Variants in RPS6KA1 observed in about 807,000 individuals in gnomAD.
RPS6KA1 encodes ribosomal protein S6 kinase A1, also known as ribosomal protein S6 kinase alpha-1.
A neutral mutation model predicts 91.3 loss-of-function variants in RPS6KA1; 48 were observed. The ratio of observed to expected loss-of-function variants is 0.53; its 90% CI spans 0.42 to 0.67. The LOEUF is 0.67. Among genes scored for constraint, RPS6KA1 ranks in the 30% least tolerant of loss-of-function variants. The pLI, the probability that RPS6KA1 is intolerant of heterozygous loss-of-function variation, is 0.00. For missense variants in RPS6KA1, 719 were observed against 960.5 expected (o/e 0.75, Z 3.32); for synonymous variants, 359 against 384.7 (o/e 0.93, Z 0.78).
At chr1:26,541,009 C>G (rs973562241) in intron 2 of RPS6KA1, among the ~76,000 whole-genome samples, 2 of 152,022 alleles carry the variant, frequency 1.3e-5, no homozygotes, top group Non-Finnish European at 2.9e-5. Flanking sequence ...AGGCTGGTCT[C>G]GAACTCCCGA....
Position 26,561,376 on chromosome 1 carries a change from G to A in RPS6KA1, c.1432-129G>A. 1 of 1,220,612 alleles carries A rather than the reference G, an allele frequency of 8.2e-7. No homozygotes were observed. 75.6% of individuals were successfully genotyped at this position (1,220,612 alleles called of 1,614,324 possible). ...CAGCATCCTCCTTTTGGGGAAGGCAGGACCACTGAAGAGCAAGCAGAACAC... is the reference window on the plus strand; with the variant it reads ...CAGCATCCTCCTTTTGGGGAAGGCAAGACCACTGAAGAGCAAGCAGAACAC... On this transcript the variant is annotated intron_variant, in intron 16 of 21. Coordinates refer to ENST00000374168, the MANE Select transcript of RPS6KA1 (RefSeq NM_002953.4). The surrounding 1 kb of genome is among the most constrained non-coding windows in gnomAD (Gnocchi z 5.7).
chr1:26,565,972 CTACTG>C (rs1232615975), intron 17 of RPS6KA1, among the ~76,000 whole-genome samples: 1 of 152,134 alleles, frequency 6.6e-6, no homozygotes, highest in Admixed American at 6.6e-5. Flanking sequence ...GTGTACAACT[CTACTG>C]TATGTATAAT....
At position 26,559,953 on chromosome 1, in the gene RPS6KA1, G is replaced by T. The variant is rs76954144; in HGVS notation, c.1216-773G>T. On this transcript the variant is annotated intron_variant, in intron 14 of 21. Transcript: ENST00000374168. ...CTAAAAATACAAAAATCAGCTGGGCGTGTTGGCGCGTGCCTATAGTCCCAG... is the reference window on the plus strand; with the variant it reads ...CTAAAAATACAAAAATCAGCTGGGCTTGTTGGCGCGTGCCTATAGTCCCAG... 4.3e-4 allele frequency among the ~76,000 whole-genome samples: 66 copies of T among 152,274 alleles called. No homozygotes were observed. In the East Asian group the frequency reaches 0.011, roughly 26 times the overall value.
chr1:26,554,149 TGTG>T lies in RPS6KA1; in HGVS notation c.576-62_576-60del. On this transcript the variant is annotated intron_variant, in intron 7 of 21. Coordinates refer to ENST00000374168, the MANE Select transcript of RPS6KA1 (RefSeq NM_002953.4). This position sits in a 1 kb window ranked among gnomAD's most constrained non-coding sequence, Gnocchi z 4.6. ...GGGCTGAACCCAACTCCCACAGCCC[TGTG>T]GTAACACCATCACCCACACGGCCAC... 8 of 1,518,846 alleles carry T rather than the reference TGTG, an allele frequency of 5.3e-6. No homozygotes were observed. Among genetic ancestry groups the T allele is most frequent in the Non-Finnish European group, 7.1e-6 (8 of 1,121,332 alleles). 94.1% of individuals were successfully genotyped at this position (1,518,846 alleles called of 1,614,324 possible). A position where few individuals can be genotyped will look rare whatever the true frequency, so the allele number is the denominator to read the frequency against.
intron 1 of RPS6KA1, chr1:26,530,682 C>T: frequency 8.3e-7 from 1 of 1,201,156 alleles, no homozygotes; most frequent in Non-Finnish European, 1.1e-6. Flanking sequence ...AGGGCTGGGC[C>T]CTTGGGGAGT....
intron 1 of RPS6KA1, chr1:26,530,657 C>A: frequency 2.1e-6 from 2 of 949,078 alleles, no homozygotes; most frequent in South Asian, 1.6e-5. Context: ...CCTTCTTATG[C>A]CCCTTCCGGT....
chr1:26,553,245 T>G, intron 6 of RPS6KA1, 146 bp from the exon 7 acceptor site: 1 of 569,678 alleles, frequency 1.8e-6, no homozygotes, highest in Non-Finnish European at 3.2e-6. Context: ...TTCAAATCCT[T>G]TGTATGATGA....
In RPS6KA1 at chr1:26,529,797, C is replaced by T; in HGVS notation, c.-124C>T. 1.5e-6 allele frequency: 1 copy of T among 658,378 alleles called. No homozygotes were observed. Among genetic ancestry groups the T allele is most frequent in the Non-Finnish European group, 2.0e-6 (1 of 488,578 alleles). The allele number at this position is 658,378 out of a possible 1,614,324, so 40.8% of individuals were successfully genotyped here. Reference sequence around the variant, plus strand: ...GCCGCGGCGGCGGCGGCGGACGGCCCAGCCGGAGCGCGAGGGGCTCGGGGG... The same window carrying T: ...GCCGCGGCGGCGGCGGCGGACGGCCTAGCCGGAGCGCGAGGGGCTCGGGGG... On this transcript the variant is annotated 5_prime_UTR_variant, in exon 1 of 22. Coordinates refer to ENST00000374168, the MANE Select transcript of RPS6KA1 (RefSeq NM_002953.4). The surrounding 1 kb of genome is among the most constrained non-coding windows in gnomAD (Gnocchi z 4.2).
Position 26,553,422 on chromosome 1 carries a change from A to C in RPS6KA1, c.500A>C (p.Tyr167Ser). 1 of 1,612,834 alleles carries C rather than the reference A, an allele frequency of 6.2e-7. No individual in the cohort carries two copies. Among genetic ancestry groups the C allele is most frequent in the Non-Finnish European group, 8.5e-7 (1 of 1,179,222 alleles). Residue 167 changes from tyrosine (Y) to serine (S), a missense_variant, in exon 7 of 22, where the codon TAC (tyrosine) becomes TCC (serine). By Grantham distance (144) the Tyr-to-Ser change is moderately radical. Around this residue, in one of 5 missense-constraint regions of RPS6KA1, gnomAD observed 159 missense variants for 264.5 expected, o/e 0.60. Coordinates refer to ENST00000374168, the MANE Select transcript of RPS6KA1 (RefSeq NM_002953.4). The part of the protein sequence containing the change: ...VMFTEEDVKF[Y>S]LAELALGLDH... Reference sequence around the variant, plus strand: ...TTCACGGAGGAGGATGTGAAGTTTTACCTGGCTGAGCTGGCTCTGGGCCTG... The same window carrying C: ...TTCACGGAGGAGGATGTGAAGTTTTCCCTGGCTGAGCTGGCTCTGGGCCTG...
rs374272040 is a variant in RPS6KA1 at position 26,558,760 on chromosome 1, G to A, written c.1085-47G>A. On this transcript the variant is annotated intron_variant, in intron 13 of 21. Coordinates refer to ENST00000374168, the MANE Select transcript of RPS6KA1 (RefSeq NM_002953.4). The surrounding 1 kb of genome is among the most constrained non-coding windows in gnomAD (Gnocchi z 4.0). ...CCCTTTGCTGGGCTGCCTCAGGGTC[G>A]AGGGGACCTCCTCAGGTACCCTCAC... is the stretch of plus-strand genomic sequence containing the variant. The A allele has an allele frequency of 2.0e-5, 32 of 1,571,076 alleles. No individual in the cohort carries two copies. The highest frequency in any genetic ancestry group is 5.2e-5 in the Admixed American group (3 of 57,372).
Position 26,555,903 on chromosome 1 carries a change from A to G in RPS6KA1, c.916+278A>G, listed in dbSNP as rs960170861. Among the ~76,000 whole-genome samples the G allele has an allele frequency of 1.3e-5, 2 of 152,180 alleles. No homozygotes were observed. The highest frequency in any genetic ancestry group is 2.9e-5 in the Non-Finnish European group (2 of 68,024). On this transcript the variant is annotated intron_variant, in intron 11 of 21. Transcript: ENST00000374168. The surrounding 1 kb of genome is among the most constrained non-coding windows in gnomAD (Gnocchi z 4.3). ...GCTTCTCCGCCAAGGCTGCTGGCACAAGAGAAATAGCATGAGCTCAGGAGT... is the reference window on the plus strand; with the variant it reads ...GCTTCTCCGCCAAGGCTGCTGGCACGAGAGAAATAGCATGAGCTCAGGAGT...
Position 26,571,355 on chromosome 1 carries a change from A to G in RPS6KA1, c.1591-94A>G. Reference sequence around the variant, plus strand: ...CAAGTCCATGCACCCGTCCCTCTGCACCCTGTCTGTGTAGCTTTCTAATCT... The same window carrying G: ...CAAGTCCATGCACCCGTCCCTCTGCGCCCTGTCTGTGTAGCTTTCTAATCT... On this transcript the variant is annotated intron_variant, in intron 17 of 21. Transcript: ENST00000374168. The surrounding 1 kb of genome is among the most constrained non-coding windows in gnomAD (Gnocchi z 5.1). The G allele has an allele frequency of 8.0e-7, 1 of 1,245,602 alleles. No homozygotes were observed. The highest frequency in any genetic ancestry group is 1.3e-5 in the South Asian group (1 of 75,640). The allele number at this position is 1,245,602 out of a possible 1,614,324, so 77.2% of individuals were successfully genotyped here.
At chr1:26,541,955 C>G (rs536083621) in intron 2 of RPS6KA1, among the ~76,000 whole-genome samples, 54 of 152,296 alleles carry the variant, frequency 3.5e-4, no homozygotes, top group Middle Eastern at 3.4e-3. Context: ...AGTCCCTATG[C>G]GGGGGATGGG....
In RPS6KA1 at chr1:26,547,172, C is replaced by T; in HGVS notation, c.226-17C>T. ...CCTCTCCCATCTTCTGCCCTGCTTC[C>T]TGCTCTGCCTTCTCAGGTCTTCCTG... On this transcript the variant is annotated splice_polypyrimidine_tract_variant and intron_variant, in intron 3 of 21. Coordinates refer to ENST00000374168, the MANE Select transcript of RPS6KA1 (RefSeq NM_002953.4). This position sits in a 1 kb window ranked among gnomAD's most constrained non-coding sequence, Gnocchi z 4.1. 1 of 1,611,842 alleles carries T rather than the reference C, an allele frequency of 6.2e-7. No individual in the cohort carries two copies. The highest frequency in any genetic ancestry group is 2.2e-5 in the East Asian group (1 of 44,872).
intron 20 of RPS6KA1, among the ~76,000 whole-genome samples, chr1:26,572,826 A>G (rs2076261259): frequency 6.6e-6 from 1 of 152,160 alleles, no homozygotes; most frequent in Non-Finnish European, 1.5e-5. Flanking sequence ...CCTGTGAGGC[A>G]GGGAGTGGTT....
chr1:26,543,248 G>A, intron 2 of RPS6KA1: 2 of 1,487,648 alleles, frequency 1.3e-6, no homozygotes, highest in Non-Finnish European at 1.8e-6. Context: ...CCTGCCTCCA[G>A]CGGTGTCTGT....
At position 26,547,103 on chromosome 1, in the gene RPS6KA1, T is replaced by A. The variant is rs17847445; in HGVS notation, c.226-86T>A. The A allele has an allele frequency of 5.9e-4, 927 of 1,558,520 alleles. 11 individuals carry two copies. In the East Asian group the frequency reaches 0.019, roughly 32 times the overall value. Reference sequence around the variant, plus strand: ...TTGGTACCCAGGGAGAGCAAAAAGGTCAGCTTGGGGCTCAGAGAAGATAGA... The same window carrying A: ...TTGGTACCCAGGGAGAGCAAAAAGGACAGCTTGGGGCTCAGAGAAGATAGA... On this transcript the variant is annotated intron_variant, in intron 3 of 21. Transcript: ENST00000374168. This position sits in a 1 kb window ranked among gnomAD's most constrained non-coding sequence, Gnocchi z 4.1.
At position 26,543,101 on chromosome 1, in the gene RPS6KA1, C is replaced by CT. The variant is rs1177140875; in HGVS notation, c.109-3765dup. 3.3e-6 allele frequency: 5 copies of CT among 1,526,650 alleles called. No homozygotes were observed. In the Admixed American group the frequency reaches 9.9e-5, roughly 30 times the overall value. 94.6% of individuals were successfully genotyped at this position (1,526,650 alleles called of 1,614,324 possible). On this transcript the variant is annotated intron_variant, in intron 2 of 21. Transcript: ENST00000374168. ...GACCCTGCCTTCTGGGCCAGGAAGG[C>CT]TAAAAAAAGCAGAAGTAGGAAGAGT...
chr1:26,539,908 G>A (rs371297995), intron 2 of RPS6KA1, among the ~76,000 whole-genome samples: 9 of 152,264 alleles, frequency 5.9e-5, no homozygotes, highest in South Asian at 2.1e-4. Flanking sequence ...AGAGCTGAGC[G>A]TCTCCCCTCC....
Sources: allele counts gnomAD v4.1 joint callset (sites outside exome capture counted in the v4.1 genomes callset), GRCh38; gene constraint gnomAD v4.1.1; regional missense constraint gnomAD v4.1.1; non-coding constraint Gnocchi (gnomAD v3.1); transcripts MANE v1.5; gene names NCBI Gene and HGNC (gene_info 2026-07-23, HGNC 2026-07-21).